ADAM22: variants seen among roughly 807,000 people sequenced by gnomAD.
ADAM22 encodes the protein ADAM metallopeptidase domain 22.
In ADAM22, 65 loss-of-function variants were observed where a neutral mutation model predicts 144.6. The ratio of observed to expected loss-of-function variants is 0.45; its 90% confidence interval spans 0.37 to 0.55. The LOEUF (loss-of-function observed/expected upper bound fraction) is 0.55, where lower values mean the gene tolerates loss of function less well. ADAM22 is among the 20% of genes least tolerant of loss of function. The probability of loss-of-function intolerance (pLI) is 0.00; values close to 1 mark genes in which losing one functional copy is unlikely to be tolerated. For missense variants in ADAM22, 974 were observed against 1,184.9 expected (o/e 0.82, Z 2.61); for synonymous variants, 391 against 412.6 (o/e 0.95, Z 0.63).
At chr7:88,169,447 A>T (rs1843724776) in intron 25 of ADAM22, among the ~76,000 whole-genome samples, 1 of 152,028 alleles carries the variant, frequency 6.6e-6, no homozygotes, top group Admixed American at 6.6e-5. Context: ...TAGCATACAA[A>T]ACTTATCCTG....
intron 4 of ADAM22, among the ~76,000 whole-genome samples, chr7:88,105,488 C>T (rs905646684): frequency 1.3e-5 from 2 of 152,196 alleles, no homozygotes. Flanking sequence ...TCCTCTCATA[C>T]ACTCAGAATC....
intron 3 of ADAM22, among the ~76,000 whole-genome samples, chr7:88,043,137 G>A (rs771467946): frequency 2.6e-5 from 4 of 151,766 alleles, no homozygotes; most frequent in Non-Finnish European, 5.9e-5. Flanking sequence ...AGATCTCAGG[G>A]AAGTGACTGT....
chr7:87,977,154 G>A (rs1013516492), intron 2 of ADAM22, among the ~76,000 whole-genome samples: 2 of 152,322 alleles, frequency 1.3e-5, no homozygotes, highest in Middle Eastern at 3.4e-3. Context: ...GTTAGCAACA[G>A]AAGTACAAGA....
At chr7:88,083,069 C>G (rs1029851261) in intron 4 of ADAM22, among the ~76,000 whole-genome samples, 5 of 152,138 alleles carry the variant, frequency 3.3e-5, no homozygotes, top group African/African-American at 1.2e-4. Context: ...TTCACAATAG[C>G]AAAGAGTTGG....
At chr7:88,011,495 G>A (rs1453398009) in intron 3 of ADAM22, among the ~76,000 whole-genome samples, 3 of 149,176 alleles carry the variant, frequency 2.0e-5, no homozygotes, top group African/African-American at 7.4e-5. Context: ...AGCCGAGATC[G>A]CACCACTGCA....
chr7:88,113,703 A>AATGTGCATATATAT (rs1554478727), intron 5 of ADAM22, among the ~76,000 whole-genome samples: 2 of 48,106 alleles, frequency 4.2e-5, no homozygotes, highest in South Asian at 2.4e-3. Flanking sequence ...TAAATAAATA[A>AATGTGCATATATAT]ATATATATAT....
chr7:88,150,363 G>T (rs1215040054), intron 18 of ADAM22, among the ~76,000 whole-genome samples: 1 of 152,104 alleles, frequency 6.6e-6, no homozygotes, highest in Non-Finnish European at 1.5e-5. Flanking sequence ...CAACATAATT[G>T]CATGCTTTGC....
At position 87,934,534 on chromosome 7, in the gene ADAM22, G is replaced by A. The variant is rs776468673; in HGVS notation, c.69G>A (p.Ala23=). Reference sequence around the variant, plus strand: ...GTGTCCTGGGGACCTGCCCTCCGGCGCGCTGCGGCCAGGCAGGTAAGTTAG... The same window carrying A: ...GTGTCCTGGGGACCTGCCCTCCGGCACGCTGCGGCCAGGCAGGTAAGTTAG... ...LLCVLGTCPP[A]RCGQAGDASL... The change falls in exon 1 of 32, where the codon GCG becomes GCA. Residue 23 remains alanine (A), a synonymous_variant. Transcript: ENST00000413139. 1 of 1,608,536 alleles carries A rather than the reference G, an allele frequency of 6.2e-7. No individual in the cohort carries two copies. Among genetic ancestry groups the A allele is most frequent in the East Asian group, 2.2e-5 (1 of 44,722 alleles).
At chr7:88,118,796 A>G (rs938203066) in intron 7 of ADAM22, among the ~76,000 whole-genome samples, 8 of 152,066 alleles carry the variant, frequency 5.3e-5, no homozygotes, top group Non-Finnish European at 7.4e-5. Flanking sequence ...GTCTGTTTCA[A>G]TCAGTTTCTA....
At chr7:87,962,229 C>T (rs1446805672) in intron 2 of ADAM22, among the ~76,000 whole-genome samples, 3 of 152,178 alleles carry the variant, frequency 2.0e-5, no homozygotes, top group South Asian at 4.1e-4. Flanking sequence ...GTGAAAGCAA[C>T]CTTTATTATG....
At chr7:88,141,209 G>A (rs1474562254) in intron 14 of ADAM22, among the ~76,000 whole-genome samples, 1 of 152,216 alleles carries the variant, frequency 6.6e-6, no homozygotes. Context: ...GTGGGAAAGA[G>A]CAGGCTGCAA....
intron 22 of ADAM22, among the ~76,000 whole-genome samples, chr7:88,160,088 C>G (rs987215237): frequency 6.6e-6 from 1 of 152,106 alleles, no homozygotes; most frequent in Non-Finnish European, 1.5e-5. Flanking sequence ...ACAAAAATCA[C>G]TAGCATTCTC....
rs1851268847 is a variant in ADAM22, at chr7:88,202,462, T to C, written c.*5971T>C. 2 of 152,314 alleles carry C rather than the reference T, an allele frequency of 1.3e-5. No homozygotes were observed. The highest frequency in any genetic ancestry group is 1.9e-4 in the East Asian group (1 of 5,182). The allele number at this position is 152,314 out of a possible 1,614,324, so 9.4% of individuals were successfully genotyped here. On this transcript the variant is annotated 3_prime_UTR_variant, in exon 32 of 32. Coordinates refer to ENST00000413139, the MANE Select transcript of ADAM22 (RefSeq NM_001324418.2). ...TTGACAGGTGATGTGCATCTATAGA[T>C]AGTGGAAGCCACCCCATGAGGAGGT...
intron 7 of ADAM22, among the ~76,000 whole-genome samples, chr7:88,117,780 G>A (rs1433429338): frequency 1.3e-5 from 2 of 148,954 alleles, no homozygotes; most frequent in South Asian, 2.1e-4. Context: ...TGCAACCTCC[G>A]CCTCCTGGGT....
At position 88,165,886 on chromosome 7, in the gene ADAM22, T is replaced by G. The variant is rs1038933344; in HGVS notation, c.2131T>G (p.Cys711Gly). Residue 711 changes from cysteine (C) to glycine (G), a missense_variant, in exon 24 of 32, where the codon TGC (cysteine) becomes GGC (glycine). Coordinates refer to ENST00000413139, the MANE Select transcript of ADAM22 (RefSeq NM_001324418.2). ...TAACAGACACTGGATAGGTTCTGATTGCAACACTTACTTCCCTCACAATGA... is the reference window on the plus strand; with the variant it reads ...TAACAGACACTGGATAGGTTCTGATGGCAACACTTACTTCCCTCACAATGA... ...VCNRHWIGSD[C>G]NTYFPHNDDA... 6.2e-7 allele frequency: 1 copy of G among 1,612,094 alleles called. No homozygotes were observed. The highest frequency in any genetic ancestry group is 1.7e-5 in the Admixed American group (1 of 59,708).
At chr7:88,083,108 A>G (rs1183307520) in intron 4 of ADAM22, among the ~76,000 whole-genome samples, 1 of 152,222 alleles carries the variant, frequency 6.6e-6, no homozygotes, top group Non-Finnish European at 1.5e-5. Flanking sequence ...ACAACGATAG[A>G]CTGGATTAAG....
At chr7:88,101,439 C>T (rs1042590800) in intron 4 of ADAM22, among the ~76,000 whole-genome samples, 2 of 152,150 alleles carry the variant, frequency 1.3e-5, no homozygotes, top group African/African-American at 4.8e-5. Flanking sequence ...ACCCTTTTAG[C>T]ATGACCAAAC....
rs149815607 is a variant in ADAM22, at chr7:88,010,558, G to A, written c.323+32146G>A. On this transcript the variant is annotated intron_variant, in intron 3 of 31. Transcript: ENST00000413139. ...TTTTCTTAAAAAATGATTGCAGGCA[G>A]TGTGGGGTTCTATAGTCTGAAAGGC... is the stretch of plus-strand genomic sequence containing the variant. Among the ~76,000 whole-genome samples the A allele has an allele frequency of 4.6e-5, 7 of 152,252 alleles. 1 individual carries two copies. Among genetic ancestry groups the A allele is most frequent in the Non-Finnish European group, 1.0e-4 (7 of 68,018 alleles).
At chr7:87,940,883 G>A (rs1041386010) in intron 2 of ADAM22, among the ~76,000 whole-genome samples, 1 of 152,186 alleles carries the variant, frequency 6.6e-6, no homozygotes, top group Non-Finnish European at 1.5e-5. Context: ...CTGGACTTCT[G>A]TGTAGGCAAG....
Sources: allele counts gnomAD v4.1 joint callset (sites outside exome capture counted in the v4.1 genomes callset), GRCh38; gene constraint gnomAD v4.1.1; transcripts MANE v1.5; gene names NCBI Gene and HGNC (gene_info 2026-07-23, HGNC 2026-07-21).